Variants in GPATCH2 observed in about 807,000 individuals in gnomAD.
The protein encoded by GPATCH2 is G-patch domain containing 2.
In GPATCH2, 51 loss-of-function variants were observed where a neutral mutation model predicts 58.0. The ratio of observed to expected loss-of-function variants is 0.88; its 90% CI spans 0.70 to 1.11. GPATCH2 has a LOEUF of 1.11. Among genes scored for constraint, GPATCH2 ranks in the 50% most tolerant of loss-of-function variants. The pLI is 0.00. For missense variants in GPATCH2, 625 were observed against 652.2 expected, an observed-to-expected ratio of 0.96 and a Z score of 0.45; for synonymous variants, 222 against 218.5, an observed-to-expected ratio of 1.02 and a Z score of -0.14.
intron 5 of GPATCH2, among the ~76,000 whole-genome samples, chr1:217,546,973 A>G (rs914442026): frequency 1.3e-5 from 2 of 152,198 alleles, no homozygotes; most frequent in Non-Finnish European, 2.9e-5. Flanking sequence ...ACATGCAGCC[A>G]ACAATGATAT....
chr1:217,550,732 G>T (rs1665316547), intron 5 of GPATCH2, among the ~76,000 whole-genome samples: 1 of 151,706 alleles, frequency 6.6e-6, no homozygotes, highest in African/African-American at 2.4e-5. Context: ...TTAAACACAT[G>T]ATTTTAAAAT....
At position 217,456,166 on chromosome 1, in the gene GPATCH2, T is replaced by C. The variant is rs564904997; in HGVS notation, c.1278-6829A>G. On this transcript the variant is annotated intron_variant, in intron 8 of 9. Coordinates refer to ENST00000366935, the MANE Select transcript of GPATCH2 (RefSeq NM_018040.5). ...GGGTACCAAGAGGGCACTGAGCTGG[T>C]TAACACTTAAGCTGTCTGTGGATGG... Among the ~76,000 whole-genome samples, 53 of 152,244 alleles carry C rather than the reference T, an allele frequency of 3.5e-4. No individual in the cohort carries two copies. In the South Asian group the frequency reaches 9.6e-3, roughly 27 times the overall value.
Position 217,449,305 on chromosome 1 carries a change from G to A in GPATCH2, c.1310C>T (p.Thr437Met), listed in dbSNP as rs144624552. The A allele has an allele frequency of 1.9e-4, 301 of 1,606,404 alleles. No individual in the cohort carries two copies. Among genetic ancestry groups the A allele is most frequent in the Middle Eastern group, 1.3e-3 (8 of 6,078 alleles). Residue 437 changes from threonine to methionine, a missense_variant, in exon 9 of 10, where the codon ACG (threonine) becomes ATG (methionine). Thr to Met is a moderately conservative substitution (Grantham distance 81). Coordinates refer to ENST00000366935, the MANE Select transcript of GPATCH2 (RefSeq NM_018040.5). ...QTSMHLGSLC[T>M]GDIKRRRKAA... is the part of the protein sequence containing the mutation. ...TTTTCTTCTCCGTTTGATATCTCCC[G>A]TGCATAAGGATCCTAAATGCATGCT... is the stretch of plus-strand genomic sequence containing the variant.
At chr1:217,480,068 CTT>C (rs1661148475) in intron 8 of GPATCH2, among the ~76,000 whole-genome samples, 1 of 152,012 alleles carries the variant, frequency 6.6e-6, no homozygotes, top group South Asian at 2.1e-4. Flanking sequence ...TAGCTGGAGA[CTT>C]TGGTCTGGGC....
chr1:217,457,698 G>A (rs898946222), intron 8 of GPATCH2, among the ~76,000 whole-genome samples: 8 of 152,080 alleles, frequency 5.3e-5, no homozygotes, highest in African/African-American at 1.9e-4. Context: ...AGGGTCATTT[G>A]AAAAAATCAT....
chr1:217,547,323 A>C (rs1334366466), intron 5 of GPATCH2, among the ~76,000 whole-genome samples: 1 of 151,416 alleles, frequency 6.6e-6, no homozygotes, highest in Non-Finnish European at 1.5e-5. Context: ...AGATCGCGCC[A>C]CTGCACTCCA....
intron 8 of GPATCH2, among the ~76,000 whole-genome samples, chr1:217,477,677 T>TG (rs1661026144): frequency 6.6e-6 from 1 of 151,956 alleles, no homozygotes; most frequent in South Asian, 2.1e-4. Flanking sequence ...TTCTCCCCTT[T>TG]GGGGAGGAAA....
chr1:217,610,978 G>C lies in GPATCH2; in HGVS notation c.929C>G (p.Pro310Arg), dbSNP rs982119616. Residue 310 changes from proline (P) to arginine (R), a missense_variant, in exon 4 of 10, where the codon CCT becomes CGT. By Grantham distance (103) the Pro-to-Arg change is moderately radical. Transcript: ENST00000366935. ...GVVPWWEKEDPTELDKNVPDP... is the reference protein window; with the variant it reads ...GVVPWWEKEDRTELDKNVPDP... The stretch of plus-strand genomic sequence containing the variant: ...TGGTACATTTTTGTCTAGCTCAGTA[G>C]GATCTTCCTTTTCCCACCAGGGCAC... 5.0e-6 allele frequency: 8 copies of C among 1,612,980 alleles called. No homozygotes were observed. The African/African-American group carries it at 8.0e-5, about 16-fold the overall frequency.
intron 6 of GPATCH2, among the ~76,000 whole-genome samples, chr1:217,501,618 T>C (rs1174632572): frequency 6.6e-6 from 1 of 152,098 alleles, no homozygotes; most frequent in Non-Finnish European, 1.5e-5. Context: ...TGTCACTATG[T>C]TTTACTTCAG....
intron 8 of GPATCH2, among the ~76,000 whole-genome samples, chr1:217,487,386 T>C (rs2102526761): frequency 6.6e-6 from 1 of 152,190 alleles, no homozygotes; most frequent in South Asian, 2.1e-4. Context: ...GATATTAATA[T>C]AGTTGCTTCT....
At chr1:217,583,570 C>CAAAAAAA (rs60392448) in intron 5 of GPATCH2, among the ~76,000 whole-genome samples, 4 of 65,154 alleles carry the variant, frequency 6.1e-5, no homozygotes, top group Non-Finnish European at 8.6e-5. Flanking sequence ...GACTCTGTCT[C>CAAAAAAA]AAAAAAAAAA....
At chr1:217,502,368 T>C (rs1461146015) in intron 6 of GPATCH2, among the ~76,000 whole-genome samples, 1 of 152,066 alleles carries the variant, frequency 6.6e-6, no homozygotes, top group African/African-American at 2.4e-5. Context: ...AGTCTCTTCA[T>C]TTTTGTAGAT....
intron 9 of GPATCH2, among the ~76,000 whole-genome samples, chr1:217,437,343 T>C (rs750609964): frequency 6.6e-6 from 1 of 152,152 alleles, no homozygotes; most frequent in Non-Finnish European, 1.5e-5. Context: ...AGGAGCTTTT[T>C]TTCATACCCC....
intron 5 of GPATCH2, among the ~76,000 whole-genome samples, chr1:217,560,767 C>G (rs919540257): frequency 2.0e-5 from 3 of 152,294 alleles, no homozygotes; most frequent in South Asian, 4.2e-4. Flanking sequence ...ACTCTTCCAA[C>G]TGGAAGTTAG....
At chr1:217,568,225 G>C (rs1409719854) in intron 5 of GPATCH2, among the ~76,000 whole-genome samples, 1 of 152,168 alleles carries the variant, frequency 6.6e-6, no homozygotes, top group East Asian at 1.9e-4. Context: ...GAAATATTAT[G>C]CAACCATTAA....
chr1:217,527,549 C>G (rs1468101335), intron 5 of GPATCH2, among the ~76,000 whole-genome samples: 1 of 148,388 alleles, frequency 6.7e-6, no homozygotes, highest in Non-Finnish European at 1.5e-5. Flanking sequence ...CATCTTTTAT[C>G]TGGATAACCA....
At chr1:217,609,694 G>T (rs2102813013) in intron 5 of GPATCH2, 1 of 968,260 alleles carries the variant, frequency 1.0e-6, no homozygotes, top group African/African-American at 1.8e-5. Context: ...GGTTATATAA[G>T]ACTTCTCTAA....
chr1:217,432,535 G>A (rs931340530), intron 9 of GPATCH2, among the ~76,000 whole-genome samples: 1 of 152,160 alleles, frequency 6.6e-6, no homozygotes, highest in African/African-American at 2.4e-5. Flanking sequence ...TCTGTCCCAG[G>A]TGTGGTATAG....
intron 6 of GPATCH2, among the ~76,000 whole-genome samples, chr1:217,502,285 A>G (rs1662345937): frequency 6.6e-6 from 1 of 152,124 alleles, no homozygotes; most frequent in Non-Finnish European, 1.5e-5. Context: ...TAAGAATTGC[A>G]TTAAACCTAA....
Sources: gnomAD v4.1 joint callset for allele counts (sites outside exome capture counted in the v4.1 genomes callset) on GRCh38, gnomAD v4.1.1 for gene constraint, MANE v1.5 for transcripts, NCBI Gene and HGNC (gene_info 2026-07-23, HGNC 2026-07-21) for gene names.